Variants in R3HDM2 observed in about 807,000 individuals in gnomAD.
R3HDM2 encodes R3H domain containing 2.
In R3HDM2, 38 loss-of-function variants were observed where a neutral mutation model predicts 124.5. The observed-to-expected ratio is 0.31, with a 90% CI of 0.24 to 0.40. The LOEUF is 0.40. Among genes scored for constraint, R3HDM2 ranks in the 10% least tolerant of loss-of-function variants. The pLI is 1.00. For synonymous variants in R3HDM2, 391 were observed against 448.0 expected (o/e 0.87, Z 1.61); for missense variants, 869 against 1,236.9 (o/e 0.70, Z 4.46).
At chr12:57,411,471 G>T (rs1044886648) in intron 1 of R3HDM2, among the ~76,000 whole-genome samples, 3 of 152,172 alleles carry the variant, frequency 2.0e-5, no homozygotes, top group African/African-American at 7.2e-5. Flanking sequence ...ATGCAGAATT[G>T]TAACTATTTC....
At chr12:57,360,710 A>G (rs2061826633) in intron 2 of R3HDM2, among the ~76,000 whole-genome samples, 1 of 152,014 alleles carries the variant, frequency 6.6e-6, no homozygotes, top group Admixed American at 6.6e-5. Flanking sequence ...AAGGAAAGGA[A>G]GAAAAAAAAT....
intron 2 of R3HDM2, among the ~76,000 whole-genome samples, chr12:57,353,133 G>C (rs142697238): frequency 1.3e-3 from 199 of 152,184 alleles, no homozygotes; most frequent in Middle Eastern, 6.8e-3. Context: ...TGAAACTTTT[G>C]ATGACTTCAA....
At chr12:57,430,489 G>GGCCCCCCCCCCCCCCCCCCC in intron 1 of R3HDM2, 5 of 790,568 alleles carry the variant, frequency 6.3e-6, no homozygotes, top group Non-Finnish European at 7.7e-6. Context: ...CCACCCCCCT[G>GGCCCCCCCCCCCCCCCCCCC]CCCCCGCACC....
At chr12:57,256,925 C>A (rs2039216457) in intron 21 of R3HDM2, among the ~76,000 whole-genome samples, 1 of 151,894 alleles carries the variant, frequency 6.6e-6, no homozygotes, top group Admixed American at 6.6e-5. Flanking sequence ...AAGCGATTCT[C>A]CTGCTTCAGC....
At chr12:57,367,514 G>T (rs1201661726) in intron 2 of R3HDM2, among the ~76,000 whole-genome samples, 1 of 152,202 alleles carries the variant, frequency 6.6e-6, no homozygotes, top group Non-Finnish European at 1.5e-5. Context: ...AATTCCAGCT[G>T]CCTTGGCTTC....
intron 2 of R3HDM2, among the ~76,000 whole-genome samples, chr12:57,338,179 T>C (rs972545507): frequency 1.3e-5 from 2 of 152,154 alleles, no homozygotes; most frequent in Non-Finnish European, 2.9e-5. Flanking sequence ...GGCGCATGCC[T>C]GTACTCCCAG....
In R3HDM2 at chr12:57,341,397, G is replaced by T. The variant is rs768327057; in HGVS notation, c.-35-30934C>A. ...AAGGAAGAACGCACCGCTTCAGATG[G>T]ATTTTTCTTCTTCCTTCTCTCCGTC... is the stretch of plus-strand genomic sequence containing the variant. On this transcript the variant is annotated intron_variant, in intron 2 of 23. Coordinates refer to ENST00000402412, the MANE Select transcript of R3HDM2 (RefSeq NM_001394031.1). 57 of 983,988 alleles carry T rather than the reference G, an allele frequency of 5.8e-5. No homozygotes were observed. In the South Asian group the frequency reaches 7.5e-4, roughly 13 times the overall value. The allele number at this position is 983,988 out of a possible 1,614,324, so 61.0% of individuals were successfully genotyped here.
At chr12:57,256,545 T>C (rs1314314831) in intron 21 of R3HDM2, 34 bp from the exon 22 acceptor site, 1 of 1,463,158 alleles carries the variant, frequency 6.8e-7, no homozygotes, top group Non-Finnish European at 9.3e-7. Context: ...TTCTGGGAGC[T>C]TAAGCTTCAT....
intron 2 of R3HDM2, among the ~76,000 whole-genome samples, chr12:57,353,203 C>G (rs1218839085): frequency 6.6e-6 from 1 of 152,082 alleles, no homozygotes; most frequent in Non-Finnish European, 1.5e-5. Flanking sequence ...AAGCTACAGA[C>G]TGCAAGTTTT....
chr12:57,406,485 T>C (rs1489019843), intron 1 of R3HDM2, among the ~76,000 whole-genome samples: 1 of 152,174 alleles, frequency 6.6e-6, no homozygotes, highest in Non-Finnish European at 1.5e-5. Flanking sequence ...ATTAAAAGAC[T>C]TAAGCATTTG....
intron 20 of R3HDM2, 111 bp downstream of exon 20, chr12:57,258,779 A>T (rs946220141): frequency 6.6e-6 from 7 of 1,057,026 alleles, no homozygotes; most frequent in Non-Finnish European, 7.7e-6. Context: ...CTCCCCAGAA[A>T]GTACCCAGGA....
At position 57,292,661 on chromosome 12, in the gene R3HDM2, C is replaced by T; in HGVS notation, c.817G>A (p.Val273Ile). ...SMDRDDNQIR[V>I]PLQDGRRSKS... ...CTCCTCCTTCCATCCTGCAATGGAACTCTGATCTAGATCGATGAGCAGAAT... is the reference window on the plus strand; with the variant it reads ...CTCCTCCTTCCATCCTGCAATGGAATTCTGATCTAGATCGATGAGCAGAAT... Residue 273 changes from valine to isoleucine, a missense_variant, in exon 11 of 24, where the codon GTT (valine) becomes ATT (isoleucine). By Grantham distance (29) the Val-to-Ile change is conservative. Transcript: ENST00000402412. 2 of 1,545,818 alleles carry T rather than the reference C, an allele frequency of 1.3e-6. No individual in the cohort carries two copies. Among genetic ancestry groups the T allele is most frequent in the East Asian group, 2.4e-5 (1 of 40,918 alleles).
chr12:57,414,726 G>A (rs1048181746), intron 1 of R3HDM2, among the ~76,000 whole-genome samples: 4 of 151,550 alleles, frequency 2.6e-5, no homozygotes, highest in Non-Finnish European at 4.4e-5. Context: ...CCAGCTACTC[G>A]GGAGTCTGAG....
intron 4 of R3HDM2, among the ~76,000 whole-genome samples, chr12:57,301,318 C>A (rs1370380929): frequency 6.6e-6 from 1 of 152,142 alleles, no homozygotes. Context: ...CATTAGAAAT[C>A]TACCTATAAA....
intron 20 of R3HDM2, 100 bp downstream of exon 20, chr12:57,258,790 A>G (rs1041449715): frequency 1.7e-6 from 2 of 1,155,270 alleles, no homozygotes; most frequent in African/African-American, 1.6e-5. Flanking sequence ...GTACCCAGGA[A>G]AAGACATGTA....
chr12:57,279,608 G>A (rs1407799233), intron 14 of R3HDM2, among the ~76,000 whole-genome samples: 1 of 151,464 alleles, frequency 6.6e-6, no homozygotes, highest in Non-Finnish European at 1.5e-5. Context: ...TTTGAGACCA[G>A]CCTAGGCAAC....
In R3HDM2 at chr12:57,311,834, T is replaced by C. The variant is rs141831109; in HGVS notation, c.-35-1371A>G. On this transcript the variant is annotated intron_variant, in intron 2 of 23. Transcript: ENST00000402412. Reference sequence around the variant, plus strand: ...TCTACTGTCTCCCAGTGATGGAGTATCTATACTGCAGGGATGGCTGCTTCT... The same window carrying C: ...TCTACTGTCTCCCAGTGATGGAGTACCTATACTGCAGGGATGGCTGCTTCT... 1.3e-3 allele frequency among the ~76,000 whole-genome samples: 198 copies of C among 152,324 alleles called. 2 individuals carry two copies. The highest frequency in any genetic ancestry group is 4.5e-3 in the African/African-American group (188 of 41,568).
At chr12:57,386,588 G>C (rs2065855490) in intron 2 of R3HDM2, among the ~76,000 whole-genome samples, 1 of 151,568 alleles carries the variant, frequency 6.6e-6, no homozygotes, top group Non-Finnish European at 1.5e-5. Context: ...GAGCCTCCCT[G>C]ACGAGCGCCG....
intron 10 of R3HDM2, among the ~76,000 whole-genome samples, chr12:57,293,381 A>G (rs1422019288): frequency 6.6e-6 from 1 of 152,124 alleles, no homozygotes; most frequent in Non-Finnish European, 1.5e-5. Flanking sequence ...AGAAAGGAAG[A>G]GAAGTAAGGT....
Sources: gnomAD v4.1 joint callset for allele counts (sites outside exome capture counted in the v4.1 genomes callset) on GRCh38, gnomAD v4.1.1 for gene constraint, MANE v1.5 for transcripts, NCBI Gene and HGNC (gene_info 2026-07-23, HGNC 2026-07-21) for gene names.